NCKAP5: variants seen among roughly 807,000 people sequenced by gnomAD.
The protein encoded by NCKAP5 is NCK associated protein 5.
NCKAP5 carries 92 observed loss-of-function variants against 167.0 expected under a neutral mutation model. The ratio of observed to expected loss-of-function variants is 0.55; its 90% CI spans 0.47 to 0.66. The LOEUF (loss-of-function observed/expected upper bound fraction) is 0.66. NCKAP5 is among the 30% of genes least tolerant of loss of function. NCKAP5 has a pLI of 0.00. For missense variants in NCKAP5, 2,378 were observed against 2,315.0 expected (o/e 1.03, Z -0.56); for synonymous variants, 891 against 877.4 (o/e 1.02, Z -0.27).
intron 5 of NCKAP5, among the ~76,000 whole-genome samples, chr2:133,164,523 T>C (rs1019645179): frequency 4.5e-4 from 69 of 152,230 alleles, no homozygotes; most frequent in African/African-American, 1.7e-3. Flanking sequence ...TGTAGTCTTG[T>C]TGTTACACCT....
At chr2:133,073,806 GAAGGGAAAA>G (rs1656592217) in intron 6 of NCKAP5, among the ~76,000 whole-genome samples, 1 of 152,064 alleles carries the variant, frequency 6.6e-6, no homozygotes, top group East Asian at 1.9e-4. Flanking sequence ...CAAAAAACCA[GAAGGGAAAA>G]AAGCACCCAG....
intron 3 of NCKAP5, among the ~76,000 whole-genome samples, chr2:133,443,535 A>G (rs1239709657): frequency 1.3e-5 from 2 of 152,040 alleles, no homozygotes; most frequent in African/African-American, 4.8e-5. Flanking sequence ...CCTTTCTTGC[A>G]CACTCCCTCT....
At chr2:133,472,722 C>A (rs971358684) in intron 3 of NCKAP5, among the ~76,000 whole-genome samples, 5 of 152,174 alleles carry the variant, frequency 3.3e-5, no homozygotes, top group Non-Finnish European at 7.3e-5. Flanking sequence ...ACAATAACTT[C>A]TCCTAGAAGC....
intron 8 of NCKAP5, among the ~76,000 whole-genome samples, chr2:132,894,229 C>T (rs1005098346): frequency 8.6e-5 from 13 of 151,960 alleles, no homozygotes; most frequent in African/African-American, 2.9e-4. Context: ...GGCACTGAGG[C>T]GAGGAAGACC....
Position 133,020,670 on chromosome 2 carries a change from G to A in NCKAP5, c.342-26431C>T, listed in dbSNP as rs1024821855. 5.9e-5 allele frequency among the ~76,000 whole-genome samples: 9 copies of A among 152,122 alleles called. No individual in the cohort carries two copies. In the South Asian group the frequency reaches 6.2e-4, roughly 11 times the overall value. On this transcript the variant is annotated intron_variant, in intron 6 of 19. Coordinates refer to ENST00000409261, the MANE Select transcript of NCKAP5 (RefSeq NM_207363.3). The stretch of plus-strand genomic sequence containing the variant: ...TCTGTCCTTTAAGGACTAAAAATCC[G>A]GGAGAATAGAACTTGTTCAAAATAA...
chr2:132,767,333 G>T (rs1029344097), intron 16 of NCKAP5, among the ~76,000 whole-genome samples: 1 of 151,702 alleles, frequency 6.6e-6, no homozygotes, highest in Non-Finnish European at 1.5e-5. Context: ...CGCAACCTCC[G>T]CCTCCCAGAT....
chr2:133,188,682 C>A (rs2085065106), intron 5 of NCKAP5, among the ~76,000 whole-genome samples: 3 of 152,144 alleles, frequency 2.0e-5, no homozygotes, highest in Admixed American at 1.3e-4. Context: ...GCCTGAATGA[C>A]TACTGGGTAC....
At chr2:133,398,769 G>A (rs1687913775) in intron 3 of NCKAP5, among the ~76,000 whole-genome samples, 2 of 152,188 alleles carry the variant, frequency 1.3e-5, no homozygotes, top group South Asian at 4.1e-4. Context: ...TGGAGACTGT[G>A]TGAAAGCAGA....
At chr2:133,126,329 C>T (rs141715507) in intron 6 of NCKAP5, among the ~76,000 whole-genome samples, 13 of 152,304 alleles carry the variant, frequency 8.5e-5, no homozygotes, top group African/African-American at 2.6e-4. Context: ...CTGGGCCAGG[C>T]GTCAGCATCT....
At chr2:133,419,374 T>C (rs543635223) in intron 3 of NCKAP5, among the ~76,000 whole-genome samples, 15 of 152,318 alleles carry the variant, frequency 9.8e-5, no homozygotes, top group African/African-American at 3.6e-4. Flanking sequence ...TGATCTCTAA[T>C]GGGGTAAATA....
At chr2:132,838,503 G>T (rs922298606) in intron 11 of NCKAP5, among the ~76,000 whole-genome samples, 6 of 152,060 alleles carry the variant, frequency 3.9e-5, no homozygotes, top group Admixed American at 2.6e-4. Flanking sequence ...GTGGTGGCAG[G>T]CACCTGTAGT....
At chr2:133,313,888 A>G (rs1681425339) in intron 3 of NCKAP5, among the ~76,000 whole-genome samples, 1 of 152,212 alleles carries the variant, frequency 6.6e-6, no homozygotes, top group African/African-American at 2.4e-5. Flanking sequence ...ACTCTACATG[A>G]AAGAATTTGG....
At chr2:132,715,483 T>C (rs1282053356) in intron 19 of NCKAP5, among the ~76,000 whole-genome samples, 3 of 152,180 alleles carry the variant, frequency 2.0e-5, no homozygotes, top group African/African-American at 4.8e-5. Context: ...TCTCCATTTT[T>C]TTCATCTAAT....
intron 4 of NCKAP5, among the ~76,000 whole-genome samples, chr2:133,255,457 C>A (rs1292341737): frequency 6.6e-6 from 1 of 152,186 alleles, no homozygotes; most frequent in Admixed American, 6.5e-5. Flanking sequence ...TTTCCCACCC[C>A]ATTGATCCAC....
chr2:132,692,658 G>A (rs1686879059), intron 19 of NCKAP5, among the ~76,000 whole-genome samples: 3 of 151,754 alleles, frequency 2.0e-5, no homozygotes, highest in Admixed American at 2.0e-4. Context: ...AAAAACAAGT[G>A]GCACCAAGAA....
intron 6 of NCKAP5, among the ~76,000 whole-genome samples, chr2:133,071,762 G>A (rs1474928342): frequency 2.6e-5 from 4 of 152,144 alleles, no homozygotes; most frequent in African/African-American, 9.7e-5. Flanking sequence ...GTACATTTCA[G>A]GGTACCATAT....
At chr2:132,806,540 A>T (rs891807139) in intron 11 of NCKAP5, among the ~76,000 whole-genome samples, 2 of 151,692 alleles carry the variant, frequency 1.3e-5, no homozygotes, top group Non-Finnish European at 2.9e-5. Context: ...GCATTTTTTC[A>T]TATGTTTGGT....
At chr2:132,811,654 G>T (rs6430375) in intron 11 of NCKAP5, among the ~76,000 whole-genome samples, 7 of 151,560 alleles carry the variant, frequency 4.6e-5, no homozygotes, top group Non-Finnish European at 1.0e-4. Context: ...GTTTCCAGGC[G>T]GAAGGTGAGA....
intron 3 of NCKAP5, among the ~76,000 whole-genome samples, chr2:133,316,977 TC>T (rs894091930): frequency 3.9e-5 from 6 of 152,144 alleles, no homozygotes; most frequent in African/African-American, 1.4e-4. Context: ...CAGCATGTTT[TC>T]TTCTTACCCC....
Sources: allele counts gnomAD v4.1 joint callset (sites outside exome capture counted in the v4.1 genomes callset), GRCh38; gene constraint gnomAD v4.1.1; transcripts MANE v1.5; gene names NCBI Gene and HGNC (gene_info 2026-07-23, HGNC 2026-07-21).